ARHGAP44: variants seen among roughly 807,000 people sequenced by gnomAD.
The protein encoded by ARHGAP44 is Rho GTPase activating protein 44, also known as rho GTPase-activating protein 44.
Under a neutral mutation model 106.8 loss-of-function variants are expected in ARHGAP44, and 43 were observed. The ratio of observed to expected loss-of-function variants is 0.40; its 90% CI spans 0.32 to 0.52. ARHGAP44 has a LOEUF of 0.52. Ranked by LOEUF, ARHGAP44 falls within the 20% of genes least tolerant of loss-of-function variation. ARHGAP44 has a pLI of 0.48. For missense variants in ARHGAP44, 866 were observed against 1,050.5 expected (o/e 0.82, Z 2.43); for synonymous variants, 439 against 410.3 (o/e 1.07, Z -0.85).
chr17:12,865,790 G>GAAAAAAAAAAAAAAA (rs34877405), intron 1 of ARHGAP44, among the ~76,000 whole-genome samples: 1 of 119,108 alleles, frequency 8.4e-6, no homozygotes. Context: ...CTCATCTCAA[G>GAAAAAAAAAAAAAAA]AAAAAAAAAA....
chr17:12,847,709 G>T (rs1028581487), intron 1 of ARHGAP44, among the ~76,000 whole-genome samples: 3 of 151,614 alleles, frequency 2.0e-5, no homozygotes, highest in South Asian at 2.1e-4. Flanking sequence ...AGTAGAGACG[G>T]GGTTTCACCG....
chr17:12,952,669 C>T, intron 13 of ARHGAP44, 88 bp downstream of exon 13: 6 of 820,610 alleles, frequency 7.3e-6, no homozygotes, highest in African/African-American at 1.7e-5. Context: ...GTCATGGTAA[C>T]TACCATGCAT....
intron 6 of ARHGAP44, among the ~76,000 whole-genome samples, chr17:12,922,462 G>A (rs960638560): frequency 6.6e-6 from 1 of 152,146 alleles, no homozygotes; most frequent in Non-Finnish European, 1.5e-5. Context: ...AAGAAATGCA[G>A]ATTGCCCCAT....
At chr17:12,898,969 ATT>A (rs2037295269) in intron 3 of ARHGAP44, among the ~76,000 whole-genome samples, 4 of 151,436 alleles carry the variant, frequency 2.6e-5, no homozygotes, top group Admixed American at 6.6e-5. Context: ...TTATTTATTT[ATT>A]TATTTATTTA....
chr17:12,839,844 T>A (rs1472260172), intron 1 of ARHGAP44, among the ~76,000 whole-genome samples: 1 of 152,184 alleles, frequency 6.6e-6, no homozygotes, highest in East Asian at 1.9e-4. Context: ...AACCCAGGAA[T>A]AAAACAAGTC....
At position 12,789,554 on chromosome 17, in the gene ARHGAP44, G is replaced by A. The variant is rs575180408; in HGVS notation, c.-285G>A. 121 of 220,756 alleles carry A rather than the reference G, an allele frequency of 5.5e-4. No homozygotes were observed. Among genetic ancestry groups the A allele is most frequent in the African/African-American group, 2.6e-3 (114 of 43,528 alleles). 13.7% of individuals were successfully genotyped at this position (220,756 alleles called of 1,614,324 possible). On this transcript the variant is annotated 5_prime_UTR_variant, in exon 1 of 21. Transcript: ENST00000379672. ...GCCGGACTGGGACTGGGAGCAGGCA[G>A]CCCGGGCGGAGCGGGCCGGTGCCGA...
intron 1 of ARHGAP44, among the ~76,000 whole-genome samples, chr17:12,813,408 G>A (rs1044572745): frequency 1.3e-5 from 2 of 152,100 alleles, no homozygotes; most frequent in East Asian, 3.9e-4. Context: ...CCTCAGTGGA[G>A]GAGTGTGCCA....
Position 12,922,167 on chromosome 17 carries a change from C to T in ARHGAP44, c.464+2336C>T, listed in dbSNP as rs951847114. On this transcript the variant is annotated intron_variant, in intron 6 of 20. Coordinates refer to ENST00000379672, the MANE Select transcript of ARHGAP44 (RefSeq NM_014859.6). ...TAAAAGTGAACAGATGAAAGCAAAG[C>T]CAATGTTACTAAATTTTAGAGCCTG... Among the ~76,000 whole-genome samples the T allele has an allele frequency of 5.9e-5, 9 of 152,232 alleles. No homozygotes were observed. The South Asian group carries it at 1.9e-3, about 32-fold the overall frequency.
At chr17:12,956,124 T>C (rs922612741) in intron 14 of ARHGAP44, 144 bp downstream of exon 14, 4 of 620,974 alleles carry the variant, frequency 6.4e-6, no homozygotes, top group South Asian at 4.3e-5. Flanking sequence ...GCTCCTCTTT[T>C]AGGCTGAGGA....
At chr17:12,881,067 T>C (rs2036723739) in intron 1 of ARHGAP44, among the ~76,000 whole-genome samples, 1 of 152,110 alleles carries the variant, frequency 6.6e-6, no homozygotes, top group Admixed American at 6.5e-5. Context: ...TAGCTCATTT[T>C]TTTTAGGGTT....
chr17:12,793,099 T>C (rs538125672), intron 1 of ARHGAP44, among the ~76,000 whole-genome samples: 1 of 152,352 alleles, frequency 6.6e-6, no homozygotes, highest in African/African-American at 2.4e-5. Context: ...TTGCTGACTA[T>C]GGAATCCAGA....
chr17:12,971,173 T>C (rs1486128412), intron 16 of ARHGAP44, among the ~76,000 whole-genome samples: 1 of 152,134 alleles, frequency 6.6e-6, no homozygotes, highest in Non-Finnish European at 1.5e-5. Context: ...GTTGCCGAAG[T>C]TTGCCAGTGT....
chr17:12,901,004 G>T (rs1598022479), intron 3 of ARHGAP44, among the ~76,000 whole-genome samples: 1 of 144,624 alleles, frequency 6.9e-6, no homozygotes, highest in South Asian at 2.3e-4. Context: ...GCTCACTGCA[G>T]CCTCTGCCTC....
In ARHGAP44 at chr17:12,928,917, A is replaced by G. The variant is rs572869022; in HGVS notation, c.465-12A>G. On this transcript the variant is annotated splice_polypyrimidine_tract_variant and intron_variant, in intron 6 of 20. Transcript: ENST00000379672. ...CCTGTCTCACATCTCTTTTTCTCCT[A>G]TTTTCCATCAGGTGGCAGCAGACTT... 2.7e-4 allele frequency: 439 copies of G among 1,604,888 alleles called. 1 individual carries two copies. In the South Asian group the frequency reaches 4.3e-3, roughly 16 times the overall value.
chr17:12,975,396 T>C (rs2039650849), intron 18 of ARHGAP44, among the ~76,000 whole-genome samples: 1 of 152,170 alleles, frequency 6.6e-6, no homozygotes, highest in African/African-American at 2.4e-5. Flanking sequence ...TGATGACCTT[T>C]GCAGCTTGCC....
At chr17:12,938,174 A>G (rs1037249867) in intron 7 of ARHGAP44, among the ~76,000 whole-genome samples, 3 of 152,206 alleles carry the variant, frequency 2.0e-5, no homozygotes, top group Non-Finnish European at 4.4e-5. Flanking sequence ...CAAGAAGACA[A>G]TCTTTGACAA....
At chr17:12,790,159 C>G (rs148896254) in intron 1 of ARHGAP44, 2 of 443,212 alleles carry the variant, frequency 4.5e-6, no homozygotes, top group African/African-American at 4.2e-5. Context: ...CCCCGGCTGC[C>G]CCTTCGCTTC....
At chr17:12,921,670 T>G (rs976955933) in intron 6 of ARHGAP44, among the ~76,000 whole-genome samples, 1 of 152,094 alleles carries the variant, frequency 6.6e-6, no homozygotes, top group Non-Finnish European at 1.5e-5. Flanking sequence ...GCATACAGAG[T>G]TCAGAAGGTC....
At chr17:12,945,115 A>C (rs1478547484) in intron 10 of ARHGAP44, among the ~76,000 whole-genome samples, 5 of 151,630 alleles carry the variant, frequency 3.3e-5, no homozygotes, top group Non-Finnish European at 7.4e-5. Flanking sequence ...GGTTCAAGCG[A>C]TTCTCCTGCC....
Sources: gnomAD v4.1 joint callset for allele counts (sites outside exome capture counted in the v4.1 genomes callset) on GRCh38, gnomAD v4.1.1 for gene constraint, MANE v1.5 for transcripts, NCBI Gene and HGNC (gene_info 2026-07-23, HGNC 2026-07-21) for gene names.